The following DMTF1 variants were observed in gnomAD, a reference collection of about 807,000 sequenced individuals.
DMTF1 encodes the protein cyclin-D-binding Myb-like transcription factor 1.
Under a neutral mutation model 91.1 loss-of-function variants are expected in DMTF1, and 39 were observed. That is an observed-to-expected ratio of 0.43 (90% CI 0.33 to 0.56). The LOEUF is 0.56. DMTF1 is among the 20% of genes least tolerant of loss of function. The probability of loss-of-function intolerance (pLI) is 0.05; values close to 1 mark genes in which losing one functional copy is unlikely to be tolerated. For synonymous variants in DMTF1, 338 were observed against 309.5 expected (o/e 1.09, Z -0.97); for missense variants, 750 against 914.5 (o/e 0.82, Z 2.32).
intron 7 of DMTF1, among the ~76,000 whole-genome samples, chr7:87,175,038 T>TG (rs202143502): frequency 2.0e-5 from 3 of 151,088 alleles, no homozygotes; most frequent in Non-Finnish European, 4.4e-5. Context: ...TTTTTTTTTT[T>TG]GAGACAGTCT....
chr7:87,173,114 C>T (rs1049523413), intron 5 of DMTF1, among the ~76,000 whole-genome samples: 1 of 152,132 alleles, frequency 6.6e-6, no homozygotes, highest in African/African-American at 2.4e-5. Flanking sequence ...AACACCCAAC[C>T]CTAGGACTTC....
chr7:87,191,963 C>T (rs1432056431), intron 14 of DMTF1, among the ~76,000 whole-genome samples: 3 of 152,102 alleles, frequency 2.0e-5, no homozygotes, highest in Non-Finnish European at 4.4e-5. Context: ...AGGATGGCCA[C>T]CTTTGGAACT....
At chr7:87,184,921 T>C (rs1022887703) in intron 11 of DMTF1, 6 of 508,086 alleles carry the variant, frequency 1.2e-5, no homozygotes, top group African/African-American at 9.6e-5. Flanking sequence ...CAGTGTAGCT[T>C]TTCCACTGTC....
chr7:87,165,118 C>T, intron 3 of DMTF1, 68 bp downstream of exon 3: 1 of 1,152,322 alleles, frequency 8.7e-7, no homozygotes, highest in Non-Finnish European at 1.3e-6. Flanking sequence ...CTTTTGACCC[C>T]TATTGCCCAA....
chr7:87,164,764 A>G (rs1793414415), intron 2 of DMTF1, among the ~76,000 whole-genome samples, 170 bp from the exon 3 acceptor site: 2 of 152,236 alleles, frequency 1.3e-5, no homozygotes, highest in Admixed American at 1.3e-4. Context: ...ATGGGTATAA[A>G]TTTGTGAAAG....
chr7:87,158,785 G>C (rs1791457306), intron 1 of DMTF1, among the ~76,000 whole-genome samples: 1 of 151,952 alleles, frequency 6.6e-6, no homozygotes, highest in African/African-American at 2.4e-5. Context: ...TTCATTTATA[G>C]GGTATAAAAC....
At chr7:87,154,332 G>A (rs1312775198) in intron 1 of DMTF1, 2 of 152,378 alleles carry the variant, frequency 1.3e-5, no homozygotes, top group African/African-American at 4.8e-5. Context: ...TTTAACTCTC[G>A]ATACTAGGTG....
chr7:87,183,087 T>TA (rs970928321), intron 10 of DMTF1, among the ~76,000 whole-genome samples: 30 of 151,042 alleles, frequency 2.0e-4, no homozygotes, highest in South Asian at 6.3e-4. Context: ...CTGTTGCAAT[T>TA]AAAAAAAAAA....
intron 1 of DMTF1, chr7:87,155,536 T>C (rs2129042301): frequency 6.6e-6 from 1 of 152,344 alleles, no homozygotes; most frequent in African/African-American, 2.4e-5. Context: ...TTGCCAAATA[T>C]TAAAGATAAA....
rs547706334 is a variant in DMTF1 at position 87,172,896 on chromosome 7, G to T, written c.328-639G>T. On this transcript the variant is annotated intron_variant, in intron 5 of 17. Coordinates refer to ENST00000331242, the MANE Select transcript of DMTF1 (RefSeq NM_001142327.2). Reference sequence around the variant, plus strand: ...TGCACAGAAGACTTAGCTGCATTAAGAATAAGTAGTACCATATAGTTCTTT... The same window carrying T: ...TGCACAGAAGACTTAGCTGCATTAATAATAAGTAGTACCATATAGTTCTTT... Among the ~76,000 whole-genome samples, 7 of 152,338 alleles carry T rather than the reference G, an allele frequency of 4.6e-5. No individual in the cohort carries two copies. In the South Asian group the frequency reaches 1.4e-3, roughly 32 times the overall value.
In DMTF1 at chr7:87,196,042, A is replaced by T. The variant is rs1389772329; in HGVS notation, c.*902A>T. 4 of 152,466 alleles carry T rather than the reference A, an allele frequency of 2.6e-5. No individual in the cohort carries two copies. Among genetic ancestry groups the T allele is most frequent in the Non-Finnish European group, 4.4e-5 (3 of 68,030 alleles). 9.4% of individuals were successfully genotyped at this position (152,466 alleles called of 1,614,324 possible). A position where few individuals can be genotyped will look rare whatever the true frequency, so the allele number is the denominator to read the frequency against. ...TTTTAAAAAAACAATATTTGCTTCT[A>T]TAACAAAAGGAAACAAATCTAAGAA... On this transcript the variant is annotated 3_prime_UTR_variant, in exon 18 of 18. Coordinates refer to ENST00000331242, the MANE Select transcript of DMTF1 (RefSeq NM_001142327.2).
intron 5 of DMTF1, among the ~76,000 whole-genome samples, chr7:87,171,416 A>T (rs1173307552): frequency 6.6e-6 from 1 of 152,228 alleles, no homozygotes; most frequent in Non-Finnish European, 1.5e-5. Context: ...GAAAGTCAGC[A>T]TAGTTAAAAA....
chr7:87,184,410 A>G lies in DMTF1; in HGVS notation c.834A>G (p.Glu278=). The G allele has an allele frequency of 6.2e-7, 1 of 1,613,756 alleles. No homozygotes were observed. Among genetic ancestry groups the G allele is most frequent in the South Asian group, 1.1e-5 (1 of 91,060 alleles). Residue 278 remains glutamate (E), a synonymous_variant, in exon 11 of 18, where the codon GAA becomes GAG. Coordinates refer to ENST00000331242, the MANE Select transcript of DMTF1 (RefSeq NM_001142327.2). ...TCCTTTTTTCAGGGAAGTGGACAGA[A>G]GAAGAAGAAAAGAGACTTGCAGAAG... ...KDTCNTGKWT[E]EEEKRLAEVV...
chr7:87,178,127 TTTAG>T (rs1241609462), intron 7 of DMTF1, among the ~76,000 whole-genome samples: 3 of 152,106 alleles, frequency 2.0e-5, no homozygotes, highest in African/African-American at 4.8e-5. Context: ...TATAACTTCA[TTTAG>T]TTAGTTCCTC....
intron 14 of DMTF1, chr7:87,192,707 T>G (rs1800143624): frequency 6.6e-6 from 1 of 152,408 alleles, no homozygotes; most frequent in South Asian, 2.1e-4. Context: ...TATTTAATAG[T>G]TAACCAGCTT....
chr7:87,170,850 G>T (rs773533224), intron 4 of DMTF1, 145 bp from the exon 5 acceptor site: 62 of 626,896 alleles, frequency 9.9e-5, no homozygotes, highest in Non-Finnish European at 1.7e-4. Flanking sequence ...GTATTATTAA[G>T]CAAATGAATG....
In DMTF1 at chr7:87,195,005, TAAGACTAAC is replaced by T; in HGVS notation, c.2174-25_2174-17del. On this transcript the variant is annotated splice_polypyrimidine_tract_variant and intron_variant, in intron 17 of 17. Coordinates refer to ENST00000331242, the MANE Select transcript of DMTF1 (RefSeq NM_001142327.2). ...GGATTAGAGAATAAATATATACATT[TAAGACTAAC>T]TTGAAACTCATTACAGATCCCATAC... 6.4e-7 allele frequency: 1 copy of T among 1,567,686 alleles called. No homozygotes were observed.
At position 87,194,615 on chromosome 7, in the gene DMTF1, C is replaced by A. The variant is rs1409907778; in HGVS notation, c.2029-69C>A. Reference sequence around the variant, plus strand: ...TATGTTTAAGTCTAACCTATACATACCTATACATGGGATTTTAAGGAAGAC... The same window carrying A: ...TATGTTTAAGTCTAACCTATACATAACTATACATGGGATTTTAAGGAAGAC... On this transcript the variant is annotated intron_variant, in intron 16 of 17. Coordinates refer to ENST00000331242, the MANE Select transcript of DMTF1 (RefSeq NM_001142327.2). 5 of 1,197,888 alleles carry A rather than the reference C, an allele frequency of 4.2e-6. No homozygotes were observed. The African/African-American group carries it at 7.6e-5, about 18-fold the overall frequency. 74.2% of individuals were successfully genotyped at this position (1,197,888 alleles called of 1,614,324 possible).
At position 87,193,723 on chromosome 7, in the gene DMTF1, A is replaced by G; in HGVS notation, c.1651-2A>G. The G allele has an allele frequency of 6.3e-7, 1 of 1,589,086 alleles. No homozygotes were observed. The highest frequency in any genetic ancestry group is 8.6e-7 in the Non-Finnish European group (1 of 1,168,256). ...TTTAACAGGTTCTTTAATGTTTTAT[A>G]GCCAGAACATTTGTTGAACACAAGT... On this transcript the variant is annotated splice_acceptor_variant, in intron 15 of 17. Transcript: ENST00000331242. LOFTEE classifies it high-confidence loss of function.
Sources: gnomAD v4.1 joint callset for allele counts (sites outside exome capture counted in the v4.1 genomes callset) on GRCh38, gnomAD v4.1.1 for gene constraint, MANE v1.5 for transcripts, NCBI Gene and HGNC (gene_info 2026-07-23, HGNC 2026-07-21) for gene names.